Variants in CD96 observed in about 807,000 individuals in gnomAD.
CD96 encodes the protein CD96 molecule.
Under a neutral mutation model 71.3 loss-of-function variants are expected in CD96, and 70 were observed. The ratio of observed to expected loss-of-function variants is 0.98; its 90% CI spans 0.81 to 1.20. The LOEUF (loss-of-function observed/expected upper bound fraction) is 1.20. CD96 is among the 50% of genes most tolerant of loss of function. CD96 has a pLI of 0.00. For synonymous variants in CD96, 248 were observed against 233.0 expected, an observed-to-expected ratio of 1.06 and a Z score of -0.59; for missense variants, 742 against 677.5, an observed-to-expected ratio of 1.10 and a Z score of -1.06.
chr3:111,658,961 C>T (rs71315881), intron 14 of CD96, among the ~76,000 whole-genome samples: 55 of 152,242 alleles, frequency 3.6e-4, no homozygotes, highest in Middle Eastern at 3.4e-3. Flanking sequence ...TCAGTAGGAT[C>T]GTGTCAGTTC....
chr3:111,664,087 G>A (rs186935626), intron 14 of CD96, among the ~76,000 whole-genome samples: 2 of 152,272 alleles, frequency 1.3e-5, no homozygotes, highest in East Asian at 3.9e-4. Flanking sequence ...GTTAGTCACC[G>A]TGGAAAGCAG....
intron 5 of CD96, chr3:111,594,299 G>T: frequency 2.1e-6 from 3 of 1,437,798 alleles, no homozygotes; most frequent in Non-Finnish European, 2.8e-6. Flanking sequence ...AGGGCCTGTG[G>T]TAACTCTTGG....
chr3:111,664,553 C>T (rs1436972514), intron 14 of CD96, among the ~76,000 whole-genome samples: 1 of 152,170 alleles, frequency 6.6e-6, no homozygotes, highest in African/African-American at 2.4e-5. Context: ...AATAACCTAT[C>T]AAGTACCATG....
intron 8 of CD96, among the ~76,000 whole-genome samples, chr3:111,620,495 C>G (rs1013461548): frequency 3.3e-5 from 5 of 152,128 alleles, no homozygotes; most frequent in African/African-American, 1.2e-4. Flanking sequence ...ACATAGTTCT[C>G]TAAAAGACTT....
At chr3:111,594,196 CA>C in intron 5 of CD96, 2 of 1,590,838 alleles carry the variant, frequency 1.3e-6, no homozygotes, top group Non-Finnish European at 1.7e-6. Context: ...CTTCCCGCCT[CA>C]TCATGTCACC....
intron 4 of CD96, among the ~76,000 whole-genome samples, chr3:111,583,897 T>C (rs1158259560): frequency 6.6e-6 from 1 of 152,200 alleles, no homozygotes; most frequent in Non-Finnish European, 1.5e-5. Context: ...ATTTTCCCCA[T>C]GGTCTTGTAG....
chr3:111,660,127 A>G (rs1940321524), intron 14 of CD96, among the ~76,000 whole-genome samples: 2 of 152,220 alleles, frequency 1.3e-5, no homozygotes, highest in African/African-American at 4.8e-5. Flanking sequence ...AAAATCCTAA[A>G]GACTCTGCCA....
At chr3:111,638,814 C>T (rs990050488) in intron 12 of CD96, among the ~76,000 whole-genome samples, 7 of 152,130 alleles carry the variant, frequency 4.6e-5, no homozygotes, top group Non-Finnish European at 1.0e-4. Flanking sequence ...ATCTTGCACA[C>T]GTCGTGGCAA....
intron 10 of CD96, among the ~76,000 whole-genome samples, chr3:111,633,421 G>A (rs1939168952): frequency 6.6e-6 from 1 of 152,080 alleles, no homozygotes; most frequent in Non-Finnish European, 1.5e-5. Flanking sequence ...GTGGCACAAA[G>A]ACATGAATTG....
chr3:111,623,935 T>G (rs1938625203), intron 9 of CD96, 113 bp downstream of exon 9: 2 of 769,214 alleles, frequency 2.6e-6, no homozygotes, highest in Admixed American at 3.8e-5. Flanking sequence ...TTTCATTTGA[T>G]GTTTGTTAAT....
At chr3:111,623,878 T>G in intron 9 of CD96, 56 bp downstream of exon 9, 1 of 1,043,458 alleles carries the variant, frequency 9.6e-7, no homozygotes, top group Middle Eastern at 2.0e-4. Context: ...ACTCACAAGT[T>G]TTACTACTGC....
At chr3:111,565,326 G>A (rs1208070741) in intron 2 of CD96, among the ~76,000 whole-genome samples, 3 of 151,842 alleles carry the variant, frequency 2.0e-5, no homozygotes, top group Non-Finnish European at 4.4e-5. Context: ...TGTATTTTTA[G>A]TTTTGTTACC....
chr3:111,648,407 C>A (rs896374436), intron 13 of CD96, among the ~76,000 whole-genome samples: 2 of 152,152 alleles, frequency 1.3e-5, no homozygotes, highest in Admixed American at 6.6e-5. Flanking sequence ...TCCTTGAAGA[C>A]TCTGTAACCA....
At position 111,613,497 on chromosome 3, in the gene CD96, C is replaced by T. The variant is rs560536591; in HGVS notation, c.1180+6705C>T. Reference sequence around the variant, plus strand: ...ATGCTGGGCTGAAGGTCAGTGCCCACGTTATCCTGACCACACAGATTGATG... The same window carrying T: ...ATGCTGGGCTGAAGGTCAGTGCCCATGTTATCCTGACCACACAGATTGATG... On this transcript the variant is annotated intron_variant, in intron 8 of 13. Coordinates refer to ENST00000352690, the MANE Select transcript of CD96 (RefSeq NM_005816.5). 3.9e-5 allele frequency among the ~76,000 whole-genome samples: 6 copies of T among 152,290 alleles called. No individual in the cohort carries two copies. The South Asian group carries it at 1.2e-3, about 32-fold the overall frequency.
chr3:111,600,667 T>C, intron 6 of CD96, 59 bp from the exon 7 acceptor site: 1 of 1,284,754 alleles, frequency 7.8e-7, no homozygotes, highest in Non-Finnish European at 1.1e-6. Flanking sequence ...GCCTTGGCAT[T>C]ATTGTATGGC....
chr3:111,609,467 A>G (rs574253305), intron 8 of CD96, among the ~76,000 whole-genome samples: 1 of 152,286 alleles, frequency 6.6e-6, no homozygotes, highest in South Asian at 2.1e-4. Flanking sequence ...AAATGTCCTC[A>G]TGGCATTTAT....
chr3:111,658,452 T>C (rs1940283068), intron 14 of CD96, among the ~76,000 whole-genome samples: 3 of 152,232 alleles, frequency 2.0e-5, no homozygotes, highest in Non-Finnish European at 4.4e-5. Flanking sequence ...GAAGTTATCA[T>C]TTTGTAATCA....
intron 5 of CD96, chr3:111,593,670 C>A: frequency 6.2e-7 from 1 of 1,612,044 alleles, no homozygotes; most frequent in East Asian, 2.2e-5. Context: ...AGGGCTCGCT[C>A]CCTTTTTTCC....
intron 5 of CD96, among the ~76,000 whole-genome samples, chr3:111,585,895 G>A (rs1157821683): frequency 2.6e-5 from 4 of 152,180 alleles, no homozygotes; most frequent in Admixed American, 2.0e-4. Flanking sequence ...ATTGAATAGG[G>A]ACCTCTGACT....
Sources: allele counts gnomAD v4.1 joint callset (sites outside exome capture counted in the v4.1 genomes callset), GRCh38; gene constraint gnomAD v4.1.1; transcripts MANE v1.5; gene names NCBI Gene and HGNC (gene_info 2026-07-23, HGNC 2026-07-21).